Variants in PRKCE observed in about 807,000 individuals in gnomAD.
PRKCE encodes protein kinase C epsilon type.
A neutral mutation model predicts 85.4 loss-of-function variants in PRKCE; 16 were observed. The ratio of observed to expected loss-of-function variants is 0.19; its 90% CI spans 0.13 to 0.28. The LOEUF (loss-of-function observed/expected upper bound fraction) is 0.28, where lower values mean the gene tolerates loss of function less well. Among genes scored for constraint, PRKCE ranks in the 10% least tolerant of loss-of-function variants. The pLI is 1.00. For synonymous variants in PRKCE, 388 were observed against 371.5 expected, an observed-to-expected ratio of 1.04 and a Z score of -0.51; for missense variants, 573 against 975.2, an observed-to-expected ratio of 0.59 and a Z score of 5.49.
At chr2:45,942,688 T>C (rs1295216889) in intron 2 of PRKCE, among the ~76,000 whole-genome samples, 5 of 152,232 alleles carry the variant, frequency 3.3e-5, no homozygotes, top group Non-Finnish European at 5.9e-5. Context: ...GTAAGCACGC[T>C]TTGTTTTATG....
chr2:45,886,266 C>A (rs1300325109), intron 2 of PRKCE, among the ~76,000 whole-genome samples: 1 of 152,176 alleles, frequency 6.6e-6, no homozygotes, highest in Non-Finnish European at 1.5e-5. Flanking sequence ...TGTCAACTGT[C>A]CCAATTCCTA....
chr2:45,924,934 A>G (rs1469159370), intron 2 of PRKCE, among the ~76,000 whole-genome samples: 3 of 152,178 alleles, frequency 2.0e-5, no homozygotes, highest in African/African-American at 7.2e-5. Flanking sequence ...ATCAGTGAGC[A>G]GGGACATGGA....
intron 1 of PRKCE, among the ~76,000 whole-genome samples, chr2:45,836,942 G>A (rs1690929562): frequency 6.6e-6 from 1 of 152,158 alleles, no homozygotes. Flanking sequence ...AACTCGAATT[G>A]GGCCTGTGTG....
intron 1 of PRKCE, among the ~76,000 whole-genome samples, chr2:45,692,523 A>T (rs1677812624): frequency 6.6e-6 from 1 of 152,152 alleles, no homozygotes; most frequent in South Asian, 2.1e-4. Flanking sequence ...CCATATTTCC[A>T]AATCAGGTCA....
intron 1 of PRKCE, among the ~76,000 whole-genome samples, chr2:45,781,696 G>C (rs976474196): frequency 2.0e-5 from 3 of 151,826 alleles, no homozygotes; most frequent in African/African-American, 7.3e-5. Context: ...AATGTAGTTT[G>C]CTGTGTGGTC....
intron 14 of PRKCE, among the ~76,000 whole-genome samples, chr2:46,176,115 T>C (rs1299550543): frequency 1.3e-5 from 2 of 152,150 alleles, no homozygotes; most frequent in Non-Finnish European, 2.9e-5. Flanking sequence ...AGACCTGTTA[T>C]TTTGCCTCCA....
At position 46,145,515 on chromosome 2, in the gene PRKCE, A is replaced by T. The variant is rs144624595; in HGVS notation, c.1731+284A>T. ...CTCTTTCCCATCCTAGTCCAGAACC[A>T]CCAATAAATCTAGGACCAAGAAAAA... is the stretch of plus-strand genomic sequence containing the variant. On this transcript the variant is annotated intron_variant, in intron 12 of 14. Transcript: ENST00000306156. This position sits in a 1 kb window ranked among gnomAD's most constrained non-coding sequence, Gnocchi z 4.6. Among the ~76,000 whole-genome samples, 256 of 152,324 alleles carry T rather than the reference A, an allele frequency of 1.7e-3. 3 individuals are homozygous for T. The highest frequency in any genetic ancestry group is 6.0e-3 in the African/African-American group (250 of 41,570).
At chr2:45,837,374 A>G (rs1356121289) in intron 1 of PRKCE, among the ~76,000 whole-genome samples, 1 of 152,198 alleles carries the variant, frequency 6.6e-6, no homozygotes. Context: ...CTCCTGCCTC[A>G]GTCTCCAGAA....
In PRKCE at chr2:46,145,624, T is replaced by C. The variant is rs1324472663; in HGVS notation, c.1731+393T>C. Among the ~76,000 whole-genome samples, 1 of 152,134 alleles carries C rather than the reference T, an allele frequency of 6.6e-6. No homozygotes were observed. Among genetic ancestry groups the C allele is most frequent in the Non-Finnish European group, 1.5e-5 (1 of 68,028 alleles). On this transcript the variant is annotated intron_variant, in intron 12 of 14. Transcript: ENST00000306156. The surrounding 1 kb of genome is among the most constrained non-coding windows in gnomAD (Gnocchi z 4.6). ...GACTCACATCTGTAATCCCAGCACT[T>C]TGGGAGGCCAAGGCAGGTAGATCGC...
intron 2 of PRKCE, among the ~76,000 whole-genome samples, chr2:45,861,070 C>G (rs767268259): frequency 3.3e-5 from 5 of 152,128 alleles, no homozygotes; most frequent in African/African-American, 1.2e-4. Flanking sequence ...GGGAGAGCAA[C>G]GAGAATTTGG....
intron 2 of PRKCE, among the ~76,000 whole-genome samples, chr2:45,945,552 G>A (rs537093981): frequency 3.3e-5 from 5 of 152,280 alleles, no homozygotes; most frequent in South Asian, 2.1e-4. Flanking sequence ...GAGGACAAAC[G>A]TCGAAACTAT....
intron 2 of PRKCE, among the ~76,000 whole-genome samples, chr2:45,912,216 A>C (rs548429679): frequency 6.6e-6 from 1 of 152,110 alleles, no homozygotes; most frequent in Non-Finnish European, 1.5e-5. Flanking sequence ...CAACACTCTG[A>C]AGATAGGCAG....
chr2:46,066,027 A>C (rs1313325637), intron 10 of PRKCE, among the ~76,000 whole-genome samples: 1 of 152,190 alleles, frequency 6.6e-6, no homozygotes, highest in Non-Finnish European at 1.5e-5. Context: ...AAGACTATTT[A>C]ACAGACGTTC....
chr2:45,746,702 A>C (rs944229607), intron 1 of PRKCE, among the ~76,000 whole-genome samples: 1 of 152,168 alleles, frequency 6.6e-6, no homozygotes, highest in Non-Finnish European at 1.5e-5. Context: ...CATGGACATT[A>C]TACAAGACTT....
At chr2:45,987,403 T>C (rs1317647613) in intron 6 of PRKCE, among the ~76,000 whole-genome samples, 1 of 152,222 alleles carries the variant, frequency 6.6e-6, no homozygotes, top group East Asian at 1.9e-4. Flanking sequence ...GTGGCTCTGA[T>C]GTTATTACTT....
chr2:45,785,647 G>A lies in PRKCE; in HGVS notation c.349-57353G>A, dbSNP rs7606076. Among the ~76,000 whole-genome samples the A allele has an allele frequency of 4.7e-3, 713 of 152,264 alleles. 4 individuals carry two copies. The highest frequency in any genetic ancestry group is 0.016 in the African/African-American group (664 of 41,548). On this transcript the variant is annotated intron_variant, in intron 1 of 14. Transcript: ENST00000306156. ...ATGGATGAGGACTCTTGCTGAACAC[G>A]ATCTGTTCTTCTGACTGGGCATCAC...
At chr2:45,806,567 C>G (rs1688259242) in intron 1 of PRKCE, among the ~76,000 whole-genome samples, 1 of 152,242 alleles carries the variant, frequency 6.6e-6, no homozygotes, top group Non-Finnish European at 1.5e-5. Context: ...GTAACTGTCT[C>G]TTTAAACAGC....
chr2:45,959,874 A>G (rs995225193), intron 2 of PRKCE, among the ~76,000 whole-genome samples: 18 of 151,972 alleles, frequency 1.2e-4, no homozygotes, highest in Non-Finnish European at 1.8e-4. Context: ...TGTGAGAGGG[A>G]GTTGTCTCTA....
rs1051524623 is a variant in PRKCE, at chr2:46,004,568, G to A, written c.993G>A (p.Gln331=). Residue 331 remains glutamine (Q), a synonymous_variant, in exon 8 of 15, where the codon CAG becomes CAA. Transcript: ENST00000306156. The surrounding 1 kb of genome is among the most constrained non-coding windows in gnomAD (Gnocchi z 4.1). ...TCATTGCTGGTGCCGAGTCCCCGCA[G>A]CCTGCTTCTGGAAGCTCACCATCTG... ...KKLIAGAESP[Q]PASGSSPSEE... 6.3e-7 allele frequency: 1 copy of A among 1,589,852 alleles called. No homozygotes were observed. The highest frequency in any genetic ancestry group is 8.5e-7 in the Non-Finnish European group (1 of 1,175,388).
Sources: gnomAD v4.1 joint callset for allele counts (sites outside exome capture counted in the v4.1 genomes callset) on GRCh38, gnomAD v4.1.1 for gene constraint, Gnocchi (gnomAD v3.1) non-coding constraint, MANE v1.5 for transcripts, NCBI Gene and HGNC (gene_info 2026-07-23, HGNC 2026-07-21) for gene names.